Variants in PAK5 observed in about 807,000 individuals in gnomAD.
PAK5 encodes the protein serine/threonine-protein kinase PAK 5.
In PAK5, 16 loss-of-function variants were observed where a neutral mutation model predicts 65.9. The ratio of observed to expected loss-of-function variants is 0.24; its 90% CI spans 0.16 to 0.37. PAK5 has a LOEUF of 0.37. PAK5 is among the 10% of genes least tolerant of loss of function. PAK5 has a pLI of 1.00. For missense variants in PAK5, 785 were observed against 903.9 expected (o/e 0.87, Z 1.69); for synonymous variants, 371 against 354.9 (o/e 1.05, Z -0.51).
intron 2 of PAK5, among the ~76,000 whole-genome samples, chr20:9,678,090 T>A (rs1356315645): frequency 6.6e-6 from 1 of 152,212 alleles, no homozygotes; most frequent in Non-Finnish European, 1.5e-5. Flanking sequence ...CTCTACCTTC[T>A]CTATGTTTCT....
At chr20:9,619,366 A>C (rs957141124) in intron 3 of PAK5, among the ~76,000 whole-genome samples, 1 of 152,190 alleles carries the variant, frequency 6.6e-6, no homozygotes, top group African/African-American at 2.4e-5. Context: ...AAACTGAAAA[A>C]CAATTCTATT....
intron 1 of PAK5, among the ~76,000 whole-genome samples, chr20:9,796,622 G>A (rs2049107694): frequency 6.6e-6 from 1 of 152,078 alleles, no homozygotes; most frequent in African/African-American, 2.4e-5. Flanking sequence ...CACTCTTACT[G>A]CTGCAGGAAA....
At chr20:9,729,861 C>T (rs1356424399) in intron 1 of PAK5, among the ~76,000 whole-genome samples, 1 of 151,244 alleles carries the variant, frequency 6.6e-6, no homozygotes, top group Non-Finnish European at 1.5e-5. Flanking sequence ...ACAAAAATAC[C>T]ACCAGCCAGG....
intron 1 of PAK5, among the ~76,000 whole-genome samples, chr20:9,736,253 A>G (rs946857354): frequency 1.3e-5 from 2 of 152,138 alleles, no homozygotes; most frequent in African/African-American, 4.8e-5. Flanking sequence ...AAATAAATGA[A>G]CAACATATGA....
intron 2 of PAK5, among the ~76,000 whole-genome samples, chr20:9,667,965 G>T (rs1018480612): frequency 2.0e-5 from 3 of 152,016 alleles, no homozygotes; most frequent in African/African-American, 7.2e-5. Context: ...TGAATATATG[G>T]TTAATAATTA....
Position 9,641,467 on chromosome 20 carries a change from C to T in PAK5, c.204+2658G>A, listed in dbSNP as rs1243524205. Among the ~76,000 whole-genome samples, 6 of 120,964 alleles carry T rather than the reference C, an allele frequency of 5.0e-5. 1 individual carries two copies. Among genetic ancestry groups the T allele is most frequent in the South Asian group, 3.5e-4 (1 of 2,860 alleles). The allele number at this position is 120,964 out of a possible 152,430, so 79.4% of individuals were successfully genotyped here. A position where few individuals can be genotyped will look rare whatever the true frequency, so the allele number is the denominator to read the frequency against. ...GTGCCGATTGGTGTATTTACAATCCCTGAGCTAGACAGAAAGACTCTCCAC... is the reference window on the plus strand; with the variant it reads ...GTGCCGATTGGTGTATTTACAATCCTTGAGCTAGACAGAAAGACTCTCCAC... On this transcript the variant is annotated intron_variant, in intron 3 of 9. Coordinates refer to ENST00000353224, the MANE Select transcript of PAK5 (RefSeq NM_177990.4).
At chr20:9,777,377 T>G (rs1569084153) in intron 1 of PAK5, among the ~76,000 whole-genome samples, 1 of 152,284 alleles carries the variant, frequency 6.6e-6, no homozygotes, top group East Asian at 1.9e-4. Flanking sequence ...GTTTTTCCAG[T>G]GCTGCTCTAT....
At chr20:9,744,586 GA>G (rs1478732486) in intron 1 of PAK5, among the ~76,000 whole-genome samples, 2 of 152,124 alleles carry the variant, frequency 1.3e-5, no homozygotes, top group Non-Finnish European at 2.9e-5. Flanking sequence ...CTAAATGGGG[GA>G]TTGTGGATTG....
At chr20:9,745,496 T>A (rs935771772) in intron 1 of PAK5, among the ~76,000 whole-genome samples, 1 of 152,154 alleles carries the variant, frequency 6.6e-6, no homozygotes, top group Non-Finnish European at 1.5e-5. Context: ...GTCAATTTAA[T>A]ACCTATAACT....
At chr20:9,742,801 G>A (rs184655126) in intron 1 of PAK5, among the ~76,000 whole-genome samples, 61 of 152,292 alleles carry the variant, frequency 4.0e-4, no homozygotes, top group African/African-American at 1.3e-3. Context: ...CATAATTCAC[G>A]TGTAGGAAAA....
intron 2 of PAK5, among the ~76,000 whole-genome samples, chr20:9,673,426 G>T (rs1035998049): frequency 6.6e-6 from 1 of 152,162 alleles, no homozygotes; most frequent in Non-Finnish European, 1.5e-5. Context: ...CTACATGGAG[G>T]TTTTGAGCAC....
chr20:9,820,487 A>G (rs188912370), intron 1 of PAK5, among the ~76,000 whole-genome samples: 1 of 152,144 alleles, frequency 6.6e-6, no homozygotes, highest in Non-Finnish European at 1.5e-5. Flanking sequence ...TGGGGCTGCT[A>G]TTTGGATTAA....
chr20:9,824,292 G>A (rs1392958762), intron 1 of PAK5, among the ~76,000 whole-genome samples: 1 of 152,204 alleles, frequency 6.6e-6, no homozygotes, highest in Non-Finnish European at 1.5e-5. Flanking sequence ...GGTGGCTTAT[G>A]CCTATAATTC....
At chr20:9,756,685 G>T (rs1423135104) in intron 1 of PAK5, among the ~76,000 whole-genome samples, 1 of 152,068 alleles carries the variant, frequency 6.6e-6, no homozygotes, top group East Asian at 1.9e-4. Flanking sequence ...TTTCTCTTGT[G>T]TCTTTTTACA....
At chr20:9,584,846 A>C (rs2046041097) in intron 3 of PAK5, among the ~76,000 whole-genome samples, 1 of 152,234 alleles carries the variant, frequency 6.6e-6, no homozygotes, top group Non-Finnish European at 1.5e-5. Context: ...CTTTATGAAC[A>C]ATAGGCAGGT....
At chr20:9,564,918 A>T (rs2045649972) in intron 5 of PAK5, among the ~76,000 whole-genome samples, 1 of 151,730 alleles carries the variant, frequency 6.6e-6, no homozygotes, top group Non-Finnish European at 1.5e-5. Flanking sequence ...ATGTATGCTG[A>T]TATATTTTAT....
At chr20:9,715,949 G>C (rs1161915081) in intron 1 of PAK5, among the ~76,000 whole-genome samples, 2 of 151,934 alleles carry the variant, frequency 1.3e-5, no homozygotes, top group Non-Finnish European at 2.9e-5. Flanking sequence ...TAATGTAAAT[G>C]ATGAGTTAAT....
chr20:9,661,321 G>C (rs1412189808), intron 2 of PAK5, among the ~76,000 whole-genome samples: 1 of 152,010 alleles, frequency 6.6e-6, no homozygotes, highest in East Asian at 1.9e-4. Context: ...GGATCCTCTG[G>C]CCTCCCTCCC....
At chr20:9,793,275 A>G (rs1239788700) in intron 1 of PAK5, among the ~76,000 whole-genome samples, 2 of 152,174 alleles carry the variant, frequency 1.3e-5, no homozygotes, top group East Asian at 1.9e-4. Flanking sequence ...GTTTCATAGC[A>G]GAAGTATAAA....
Sources: allele counts gnomAD v4.1 joint callset (sites outside exome capture counted in the v4.1 genomes callset), GRCh38; gene constraint gnomAD v4.1.1; transcripts MANE v1.5; gene names NCBI Gene and HGNC (gene_info 2026-07-23, HGNC 2026-07-21).